TSC1: variants seen among roughly 807,000 people sequenced by gnomAD.
The protein encoded by TSC1 is TSC complex subunit 1.
A neutral mutation model predicts 124.3 loss-of-function variants in TSC1; 20 were observed. The ratio of observed to expected loss-of-function variants is 0.16; its 90% confidence interval spans 0.11 to 0.23. TSC1 has a LOEUF of 0.23. Ranked by LOEUF, TSC1 falls within the 10% of genes least tolerant of loss-of-function variation. The pLI is 1.00. For missense variants in TSC1, 1,124 were observed against 1,448.5 expected, an observed-to-expected ratio of 0.78 and a Z score of 3.64; for synonymous variants, 493 against 539.1, an observed-to-expected ratio of 0.91 and a Z score of 1.19.
intron 6 of TSC1, among the ~76,000 whole-genome samples, chr9:132,922,620 C>T (rs1846630722): frequency 6.6e-6 from 1 of 152,194 alleles, no homozygotes; most frequent in Non-Finnish European, 1.5e-5. Context: ...CCACAGTATA[C>T]ATAAAGGTCC....
intron 5 of TSC1, among the ~76,000 whole-genome samples, chr9:132,925,353 A>C (rs1467360814): frequency 6.6e-6 from 1 of 152,242 alleles, no homozygotes; most frequent in Admixed American, 6.5e-5. Flanking sequence ...CATTGAACCC[A>C]TCTGATCGAA....
At chr9:132,944,381 A>G (rs1847946864) in intron 1 of TSC1, among the ~76,000 whole-genome samples, 162 bp downstream of exon 1, 2 of 152,160 alleles carry the variant, frequency 1.3e-5, no homozygotes, top group Admixed American at 6.5e-5. Context: ...GCGTGTAATA[A>G]GAGGGAGGGG....
chr9:132,906,916 A>C lies in TSC1; in HGVS notation c.1334-81T>G, dbSNP rs2131872056. The C allele has an allele frequency of 1.8e-6, 2 of 1,089,798 alleles. No homozygotes were observed. Among genetic ancestry groups the C allele is most frequent in the South Asian group, 2.6e-5 (2 of 77,918 alleles). 67.5% of individuals were successfully genotyped at this position (1,089,798 alleles called of 1,614,324 possible). A position where few individuals can be genotyped will look rare whatever the true frequency, so the allele number is the denominator to read the frequency against. On this transcript the variant is annotated intron_variant, in intron 13 of 22. Transcript: ENST00000298552. The surrounding 1 kb of genome is among the most constrained non-coding windows in gnomAD (Gnocchi z 4.1). ...TGTAAAACTGCTTACACTGTATAGA[A>C]TATGTCTGTAATAACTCTTCATGCT... is the stretch of plus-strand genomic sequence containing the variant.
intron 10 of TSC1, 51 bp downstream of exon 10, chr9:132,911,402 A>C: frequency 7.2e-7 from 1 of 1,396,104 alleles, no homozygotes; most frequent in Non-Finnish European, 1.0e-6. Context: ...CCAAAGGGTC[A>C]GCTTCACCAG....
rs1846680651 is a variant in TSC1, at chr9:132,923,464, G to C, written c.392C>G (p.Thr131Arg). The C allele has an allele frequency of 6.2e-7, 1 of 1,614,132 alleles. No homozygotes were observed. The highest frequency in any genetic ancestry group is 8.5e-7 in the Non-Finnish European group (1 of 1,179,992). The change falls in exon 6 of 23, where the codon ACA becomes AGA. Residue 131 changes from threonine (T) to arginine (R), a missense_variant. Physicochemically the swap from Thr to Arg is moderately conservative, Grantham distance 71. This residue lies in a region of TSC1 where 463 missense variants were observed against 606.8 expected (regional missense o/e 0.76). Coordinates refer to ENST00000298552, the MANE Select transcript of TSC1 (RefSeq NM_000368.5). This position sits in a 1 kb window ranked among gnomAD's most constrained non-coding sequence, Gnocchi z 4.2. ...KMDTDVVVLTTGVLVLITMLP... is the reference protein window; with the variant it reads ...KMDTDVVVLTRGVLVLITMLP... The stretch of plus-strand genomic sequence containing the variant: ...CATGGTTATCAACACCAAGACGCCT[G>C]TTGTGAGGACAACGACGTCAGTGTC...
chr9:132,932,343 C>G (rs1847246860), intron 2 of TSC1, among the ~76,000 whole-genome samples: 1 of 152,172 alleles, frequency 6.6e-6, no homozygotes, highest in African/African-American at 2.4e-5. Flanking sequence ...TTTCACCACC[C>G]CCACCACCAC....
rs1383308161 is a variant in TSC1, at chr9:132,926,040, T to C, written c.211-301A>G. 7.1e-6 allele frequency: 3 copies of C among 420,678 alleles called. No homozygotes were observed. The Admixed American group carries it at 1.1e-4, about 16-fold the overall frequency. 26.1% of individuals were successfully genotyped at this position (420,678 alleles called of 1,614,324 possible). Reference sequence around the variant, plus strand: ...AATAACCAACAGTCCCAAACTGTGATAGGTTACTGAAGCCATGAGGGGATC... The same window carrying C: ...AATAACCAACAGTCCCAAACTGTGACAGGTTACTGAAGCCATGAGGGGATC... On this transcript the variant is annotated intron_variant, in intron 4 of 22. Transcript: ENST00000298552.
rs2131622391 is a variant in TSC1 at position 132,897,167 on chromosome 9, C to T, written c.2975+17G>A. 1 of 1,613,908 alleles carries T rather than the reference C, an allele frequency of 6.2e-7. No homozygotes were observed. The highest frequency in any genetic ancestry group is 8.5e-7 in the Non-Finnish European group (1 of 1,180,028). On this transcript the variant is annotated intron_variant, in intron 22 of 22. Coordinates refer to ENST00000298552, the MANE Select transcript of TSC1 (RefSeq NM_000368.5). ...GCAGCTTAGTCCCAAGGTCATGAAT[C>T]AGTTCTTTGTTCCTACCTTTCTTCT...
In TSC1 at chr9:132,906,619, ACCT is replaced by A. The variant is rs1189725452; in HGVS notation, c.1438+109_1438+111del. The A allele has an allele frequency of 1.1e-6, 1 of 897,476 alleles. No individual in the cohort carries two copies. Among genetic ancestry groups the A allele is most frequent in the Admixed American group, 2.0e-5 (1 of 49,778 alleles). 55.6% of individuals were successfully genotyped at this position (897,476 alleles called of 1,614,324 possible). A position where few individuals can be genotyped will look rare whatever the true frequency, so the allele number is the denominator to read the frequency against. ...CCCAGACTAAACCACCCATCTTGTT[ACCT>A]CAAGAGAAGAAAAATCCAGCAAGCC... On this transcript the variant is annotated intron_variant, in intron 14 of 22. Coordinates refer to ENST00000298552, the MANE Select transcript of TSC1 (RefSeq NM_000368.5). This position sits in a 1 kb window ranked among gnomAD's most constrained non-coding sequence, Gnocchi z 4.1.
chr9:132,921,915 A>G lies in TSC1; in HGVS notation c.567T>C (p.His189=), dbSNP rs2132157565. ...TGCAAGGGTACATTCCATAAAGGCGATGAAAGAGTGCGTACACACTGGCAT... is the reference window on the plus strand; with the variant it reads ...TGCAAGGGTACATTCCATAAAGGCGGTGAAAGAGTGCGTACACACTGGCAT... The part of the protein sequence containing the change: ...HLHASVYALF[H]RLYGMYPCNF... Residue 189 remains histidine, a synonymous_variant, in exon 7 of 23, where the codon CAT becomes CAC. Coordinates refer to ENST00000298552, the MANE Select transcript of TSC1 (RefSeq NM_000368.5). This position sits in a 1 kb window ranked among gnomAD's most constrained non-coding sequence, Gnocchi z 4.3. The G allele has an allele frequency of 6.2e-7, 1 of 1,614,232 alleles. No homozygotes were observed.
At chr9:132,944,659 T>A, upstream of TSC1, 2 of 398,496 alleles carry the variant, frequency 5.0e-6, no homozygotes. Flanking sequence ...GACGGCGGCC[T>A]CCGCCACGAA....
At chr9:132,924,962 A>G (rs777948456) in intron 5 of TSC1, 2 of 154,956 alleles carry the variant, frequency 1.3e-5, no homozygotes, top group Non-Finnish European at 2.9e-5. Flanking sequence ...GGCAGTTAAT[A>G]TTAACCACAT....
Position 132,894,126 on chromosome 9 carries a change from G to A in TSC1, c.*2109C>T, listed in dbSNP as rs73552808. 345 of 233,594 alleles carry A rather than the reference G, an allele frequency of 1.5e-3. No individual in the cohort carries two copies. The highest frequency in any genetic ancestry group is 5.7e-3 in the African/African-American group (261 of 45,444). The allele number at this position is 233,594 out of a possible 1,614,324, so 14.5% of individuals were successfully genotyped here. A position where few individuals can be genotyped will look rare whatever the true frequency, so the allele number is the denominator to read the frequency against. On this transcript the variant is annotated 3_prime_UTR_variant, in exon 23 of 23. Transcript: ENST00000298552. ...ACCCAGGCCGCATGGATGAGCTGAG[G>A]ACCCTGTGCAGACACGTCCATGGAG...
At chr9:132,912,701 A>G (rs986586642) in intron 8 of TSC1, 5 of 523,472 alleles carry the variant, frequency 9.6e-6, no homozygotes, top group African/African-American at 1.9e-5. Context: ...TATTTCCTCA[A>G]CAAAAGACTA....
rs72759433 is a variant in TSC1, at chr9:132,894,767, G to A, written c.*1468C>T. 0.017 allele frequency: 3,712 copies of A among 223,730 alleles called. 48 individuals are homozygous for A. Among genetic ancestry groups the A allele is most frequent in the Non-Finnish European group, 0.023 (2,655 of 113,202 alleles). The allele number at this position is 223,730 out of a possible 1,614,324, so 13.9% of individuals were successfully genotyped here. A position where few individuals can be genotyped will look rare whatever the true frequency, so the allele number is the denominator to read the frequency against. On this transcript the variant is annotated 3_prime_UTR_variant, in exon 23 of 23. Transcript: ENST00000298552. ...TCCGTGGGCACTAAGATTTCGTACC[G>A]TGACAGTTTTTTACCTCTTTATGAC...
rs1844990256 is a variant in TSC1, at chr9:132,895,597, G to C, written c.*638C>G. 4.3e-6 allele frequency: 1 copy of C among 234,722 alleles called. No homozygotes were observed. Among genetic ancestry groups the C allele is most frequent in the Admixed American group, 5.6e-5 (1 of 18,018 alleles). 14.5% of individuals were successfully genotyped at this position (234,722 alleles called of 1,614,324 possible). On this transcript the variant is annotated 3_prime_UTR_variant, in exon 23 of 23. Transcript: ENST00000298552. ...CTCCAGATTTCTGAAACAGGCTTCT[G>C]TTTACACAGAACTTTCTAGGAAGCT...
At position 132,912,437 on chromosome 9, in the gene TSC1, T is replaced by C; in HGVS notation, c.758A>G (p.His253Arg). 6.2e-7 allele frequency: 1 copy of C among 1,614,190 alleles called. No individual in the cohort carries two copies. Among genetic ancestry groups the C allele is most frequent in the Non-Finnish European group, 8.5e-7 (1 of 1,180,024 alleles). Reference sequence around the variant, plus strand: ...TTTGGCACACTCGATCACAACATCATGAGTTTCTAATCTCTTCCACCTGTA... The same window carrying C: ...TTTGGCACACTCGATCACAACATCACGAGTTTCTAATCTCTTCCACCTGTA... ...DPRRWKRLET[H>R]DVVIECAKIS... Residue 253 changes from histidine to arginine, a missense_variant, in exon 9 of 23, where the codon CAT becomes CGT. Physicochemically the swap from His to Arg is conservative, Grantham distance 29 (BLOSUM62 0). Coordinates refer to ENST00000298552, the MANE Select transcript of TSC1 (RefSeq NM_000368.5).
intron 16 of TSC1, 88 bp downstream of exon 16, chr9:132,904,323 C>T (rs1588305572): frequency 2.1e-6 from 3 of 1,459,110 alleles, no homozygotes; most frequent in East Asian, 4.6e-5. Context: ...GATCTGTTTC[C>T]CAGAGGGCAC....
chr9:132,911,612 A>G (rs1355296529), intron 9 of TSC1, 44 bp from the exon 10 acceptor site: 3 of 413,538 alleles, frequency 7.3e-6, no homozygotes, highest in Non-Finnish European at 1.4e-5. Context: ...GTGTGGTTTT[A>G]GGTTATTCTG....
Sources: allele counts gnomAD v4.1 joint callset (sites outside exome capture counted in the v4.1 genomes callset), GRCh38; gene constraint gnomAD v4.1.1; regional missense constraint gnomAD v4.1.1; non-coding constraint Gnocchi (gnomAD v3.1); transcripts MANE v1.5; gene names NCBI Gene and HGNC (gene_info 2026-07-23, HGNC 2026-07-21).